Variants in SPSB1 observed in about 807,000 individuals in gnomAD.
SPSB1 encodes splA/ryanodine receptor domain and SOCS box containing 1.
In SPSB1, 8 loss-of-function variants were observed where a neutral mutation model predicts 21.2. That is an observed-to-expected ratio of 0.38 (90% CI 0.22 to 0.68). The LOEUF is 0.68. Ranked by LOEUF, SPSB1 falls within the 30% of genes least tolerant of loss-of-function variation. The pLI is 0.53. For synonymous variants in SPSB1, 169 were observed against 161.7 expected (o/e 1.05, Z -0.34); for missense variants, 242 against 377.8 (o/e 0.64, Z 2.98).
At chr1:9,314,789 G>A (rs1639582810) in intron 1 of SPSB1, among the ~76,000 whole-genome samples, 2 of 152,178 alleles carry the variant, frequency 1.3e-5, no homozygotes, top group Non-Finnish European at 1.5e-5. Flanking sequence ...CTAAATAAAA[G>A]TAGGGTTTTA....
intron 1 of SPSB1, among the ~76,000 whole-genome samples, chr1:9,295,101 G>T (rs1246055905): frequency 6.6e-6 from 1 of 152,204 alleles, no homozygotes; most frequent in African/African-American, 2.4e-5. Context: ...CCCCAGCTGT[G>T]AAGTGATGGG....
chr1:9,344,068 G>A (rs561561881), intron 1 of SPSB1, among the ~76,000 whole-genome samples: 3 of 152,300 alleles, frequency 2.0e-5, no homozygotes, highest in South Asian at 2.1e-4. Flanking sequence ...GATTACAGGC[G>A]TGAGCCACCG....
At chr1:9,341,068 A>C (rs1032162210) in intron 1 of SPSB1, among the ~76,000 whole-genome samples, 1 of 152,102 alleles carries the variant, frequency 6.6e-6, no homozygotes, top group African/African-American at 2.4e-5. Flanking sequence ...CATTCAATGG[A>C]TATTGGGCCA....
At chr1:9,354,992 C>T (rs1040414880) in intron 1 of SPSB1, among the ~76,000 whole-genome samples, 7 of 152,142 alleles carry the variant, frequency 4.6e-5, no homozygotes, top group African/African-American at 1.4e-4. Flanking sequence ...ACCCAGAGGG[C>T]GAAACCCTGG....
At chr1:9,306,303 C>T (rs887985204) in intron 1 of SPSB1, among the ~76,000 whole-genome samples, 6 of 152,196 alleles carry the variant, frequency 3.9e-5, no homozygotes, top group South Asian at 2.1e-4. Flanking sequence ...GTTTCCACCA[C>T]GGAGAGCATT....
chr1:9,355,990 G>A lies in SPSB1; in HGVS notation c.99G>A (p.Lys33=). 6.2e-7 allele frequency: 1 copy of A among 1,614,122 alleles called. No individual in the cohort carries two copies. The highest frequency in any genetic ancestry group is 8.5e-7 in the Non-Finnish European group (1 of 1,180,018). Residue 33 remains lysine, a synonymous_variant, in exon 2 of 3, where the codon AAG becomes AAA. Transcript: ENST00000328089. The stretch of plus-strand genomic sequence containing the variant: ...AGCTCCAGGGTCTGGATTACTGCAA[G>A]CCCACCCGGCTGGATCTGCTACTGG... The part of the protein sequence containing the change: ...KQELQGLDYC[K]PTRLDLLLDM...
At chr1:9,336,106 C>T (rs1252256030) in intron 1 of SPSB1, among the ~76,000 whole-genome samples, 2 of 152,122 alleles carry the variant, frequency 1.3e-5, no homozygotes, top group Non-Finnish European at 2.9e-5. Context: ...TTATTGTTCT[C>T]GTCTCTGTAG....
chr1:9,311,967 C>T (rs1330512399), intron 1 of SPSB1, among the ~76,000 whole-genome samples: 1 of 151,894 alleles, frequency 6.6e-6, no homozygotes, highest in Non-Finnish European at 1.5e-5. Flanking sequence ...TACAGGAGAC[C>T]TCATGCAGAT....
At chr1:9,328,906 GC>G (rs1490045131) in intron 1 of SPSB1, among the ~76,000 whole-genome samples, 1 of 152,196 alleles carries the variant, frequency 6.6e-6, no homozygotes. Context: ...CAACTTGTGA[GC>G]CCCACATGTG....
At chr1:9,351,886 G>A (rs2100511266) in intron 1 of SPSB1, among the ~76,000 whole-genome samples, 1 of 152,310 alleles carries the variant, frequency 6.6e-6, no homozygotes, top group South Asian at 2.1e-4. Context: ...GGGTGTGTGG[G>A]CCACATTCCC....
chr1:9,338,060 T>G (rs966521625), intron 1 of SPSB1, among the ~76,000 whole-genome samples: 3 of 151,934 alleles, frequency 2.0e-5, no homozygotes, highest in African/African-American at 4.8e-5. Context: ...AGGGAGCAGG[T>G]TTGAATTGGT....
At chr1:9,295,668 C>T (rs1157989464) in intron 1 of SPSB1, among the ~76,000 whole-genome samples, 2 of 152,304 alleles carry the variant, frequency 1.3e-5, no homozygotes, top group African/African-American at 2.4e-5. Flanking sequence ...TGGAAGCCAG[C>T]GCTGCCCTCC....
chr1:9,341,220 A>G lies in SPSB1; in HGVS notation c.-149-14523A>G, dbSNP rs546835783. Among the ~76,000 whole-genome samples, 8 of 152,354 alleles carry G rather than the reference A, an allele frequency of 5.3e-5. 1 individual carries two copies. The South Asian group carries it at 1.4e-3, about 28-fold the overall frequency. On this transcript the variant is annotated intron_variant, in intron 1 of 2. Transcript: ENST00000328089. ...TCCTGGCCCCCCGGCCTCAGAACAG[A>G]GAGGCACGGTACACACACCACTCCC...
At chr1:9,333,757 G>A (rs1013035360) in intron 1 of SPSB1, among the ~76,000 whole-genome samples, 2 of 151,958 alleles carry the variant, frequency 1.3e-5, no homozygotes, top group African/African-American at 2.4e-5. Context: ...GAAAGGAAAC[G>A]AGGTTGCCAA....
intron 1 of SPSB1, among the ~76,000 whole-genome samples, chr1:9,331,455 T>A (rs1639918850): frequency 6.7e-6 from 1 of 150,044 alleles, no homozygotes; most frequent in Non-Finnish European, 1.5e-5. Context: ...CTCTGCCTCC[T>A]GGGTAGCTGG....
Position 9,305,518 on chromosome 1 carries a change from A to AAT in SPSB1, c.-150+12447_-150+12448insAT. On this transcript the variant is annotated intron_variant, in intron 1 of 2. Transcript: ENST00000328089. The surrounding 1 kb of genome is among the most constrained non-coding windows in gnomAD (Gnocchi z 4.8). Reference sequence around the variant, plus strand: ...TTGGACACCTGTCGGATGAAGGAGTAGGTAAGACCGGTGGCGTAGTGGATC... The same window carrying AAT: ...TTGGACACCTGTCGGATGAAGGAGTAATGGTAAGACCGGTGGCGTAGTGGATC... 6.6e-6 allele frequency among the ~76,000 whole-genome samples: 1 copy of AAT among 152,272 alleles called. No homozygotes were observed. Among genetic ancestry groups the AAT allele is most frequent in the African/African-American group, 2.4e-5 (1 of 41,538 alleles).
intron 1 of SPSB1, among the ~76,000 whole-genome samples, chr1:9,308,541 G>A (rs76269435): frequency 0.014 from 2,067 of 152,280 alleles, 43 homozygotes; most frequent in African/African-American, 0.047. Flanking sequence ...TGCTGGGGCC[G>A]GCATTTAGTT....
chr1:9,295,146 T>TA (rs148714521), intron 1 of SPSB1, among the ~76,000 whole-genome samples: 162 of 152,222 alleles, frequency 1.1e-3, no homozygotes, highest in African/African-American at 3.8e-3. Flanking sequence ...CCTGCTCTCT[T>TA]ACAGCTGCTT....
intron 1 of SPSB1, among the ~76,000 whole-genome samples, chr1:9,309,041 G>C (rs1472582398): frequency 2.6e-5 from 4 of 152,036 alleles, no homozygotes; most frequent in Non-Finnish European, 4.4e-5. Flanking sequence ...TTTGTTCTAG[G>C]CTGGGGGGTT....
Sources: gnomAD v4.1 joint callset for allele counts (sites outside exome capture counted in the v4.1 genomes callset) on GRCh38, gnomAD v4.1.1 for gene constraint, Gnocchi (gnomAD v3.1) non-coding constraint, MANE v1.5 for transcripts, NCBI Gene and HGNC (gene_info 2026-07-23, HGNC 2026-07-21) for gene names.